Variants in SLC1A2 observed in about 807,000 individuals in gnomAD.
SLC1A2 encodes the protein excitatory amino acid transporter 2.
Under a neutral mutation model 48.8 loss-of-function variants are expected in SLC1A2, and 15 were observed. That is an observed-to-expected ratio of 0.31 (90% CI 0.21 to 0.47). The LOEUF (loss-of-function observed/expected upper bound fraction) is 0.47. SLC1A2 is among the 20% of genes least tolerant of loss of function. The pLI is 0.99. For missense variants in SLC1A2, 502 were observed against 730.5 expected, an observed-to-expected ratio of 0.69 and a Z score of 3.61; for synonymous variants, 279 against 272.6, an observed-to-expected ratio of 1.02 and a Z score of -0.23.
At chr11:35,297,935 C>T (rs1421597502) in intron 6 of SLC1A2, 1 of 152,202 alleles carries the variant, frequency 6.6e-6, no homozygotes, top group African/African-American at 2.4e-5. Flanking sequence ...ATTTTACACA[C>T]CAGAATATCG....
At chr11:35,270,848 G>A (rs538846330) in intron 9 of SLC1A2, among the ~76,000 whole-genome samples, 11 of 152,344 alleles carry the variant, frequency 7.2e-5, no homozygotes, top group South Asian at 4.1e-4. Context: ...AGTGAGAGAC[G>A]CAGAAAGTAA....
At chr11:35,349,723 C>G (rs116369705) in intron 1 of SLC1A2, among the ~76,000 whole-genome samples, 1 of 152,178 alleles carries the variant, frequency 6.6e-6, no homozygotes, top group African/African-American at 2.4e-5. Flanking sequence ...GGAATCCTAA[C>G]CCAGATTCTT....
chr11:35,346,218 CT>C lies in SLC1A2; in HGVS notation c.18-28703del, dbSNP rs753634800. Among the ~76,000 whole-genome samples, 23 of 152,332 alleles carry C rather than the reference CT, an allele frequency of 1.5e-4. 1 individual carries two copies. Among genetic ancestry groups the C allele is most frequent in the Middle Eastern group, 3.4e-3 (1 of 294 alleles). On this transcript the variant is annotated intron_variant, in intron 1 of 10. Coordinates refer to ENST00000278379, the MANE Select transcript of SLC1A2 (RefSeq NM_004171.4). ...GCTATCCCTCCCCTAGACCCATGTT[CT>C]TAATGCATCTTAGCCATGGCTGCTT...
rs1591429728 is a variant in SLC1A2 at position 35,286,652 on chromosome 11, T to C, written c.1286+105A>G. On this transcript the variant is annotated intron_variant, in intron 8 of 10. Transcript: ENST00000278379. ...TTCTCTTTTTTTATTACCTTCATTG[T>C]CTTCCACCAGCAGAAATGAAATTCA... 4 of 777,964 alleles carry C rather than the reference T, an allele frequency of 5.1e-6. No homozygotes were observed. The East Asian group carries it at 1.1e-4, about 21-fold the overall frequency. The allele number at this position is 777,964 out of a possible 1,614,324, so 48.2% of individuals were successfully genotyped here.
intron 1 of SLC1A2, chr11:35,390,623 A>T (rs947189282): frequency 6.6e-6 from 1 of 152,118 alleles, no homozygotes; most frequent in Non-Finnish European, 1.5e-5. Flanking sequence ...ATGTTGAAGC[A>T]ATCATAACTT....
At chr11:35,338,358 C>T (rs1011254723) in intron 1 of SLC1A2, among the ~76,000 whole-genome samples, 1 of 152,094 alleles carries the variant, frequency 6.6e-6, no homozygotes, top group Non-Finnish European at 1.5e-5. Context: ...TTGGTTCTAT[C>T]CTCTCGACTT....
chr11:35,265,580 A>T lies in SLC1A2; in HGVS notation c.1600T>A (p.Ser534Thr). 1 of 1,612,158 alleles carries T rather than the reference A, an allele frequency of 6.2e-7. No individual in the cohort carries two copies. The highest frequency in any genetic ancestry group is 8.5e-7 in the Non-Finnish European group (1 of 1,178,214). ...TGTGCAGCATAGACACATTGATTAG[A>T]GTTGCTTTCCCTGTGGTTCTTCATG... is the stretch of plus-strand genomic sequence containing the variant. Reference protein sequence around the residue: ...DDMKNHRESNSNQCVYAAHNS... With the variant: ...DDMKNHRESNTNQCVYAAHNS... Residue 534 changes from serine (S) to threonine (T), a missense_variant, in exon 10 of 11, where the codon TCT (serine) becomes ACT (threonine). Around this residue, in one of 4 missense-constraint regions of SLC1A2, gnomAD observed 102 missense variants for 107.2 expected, o/e 0.95. Transcript: ENST00000278379.
chr11:35,321,333 TGG>T (rs1852060872), intron 1 of SLC1A2, among the ~76,000 whole-genome samples: 1 of 152,020 alleles, frequency 6.6e-6, no homozygotes, highest in Non-Finnish European at 1.5e-5. Flanking sequence ...TAGCAGTGTG[TGG>T]GGAGGCAGCA....
At chr11:35,407,895 C>T (rs1009215486) in intron 1 of SLC1A2, among the ~76,000 whole-genome samples, 2 of 152,192 alleles carry the variant, frequency 1.3e-5, no homozygotes, top group African/African-American at 4.8e-5. Context: ...ATGCTGTGTG[C>T]GGGTGAGCTC....
intron 9 of SLC1A2, among the ~76,000 whole-genome samples, chr11:35,268,803 G>A (rs1362163604): frequency 2.0e-5 from 3 of 152,126 alleles, no homozygotes; most frequent in African/African-American, 7.2e-5. Context: ...AGAGATTAGT[G>A]GCTTCCCAAA....
At chr11:35,406,353 TA>T (rs1010862244) in intron 1 of SLC1A2, among the ~76,000 whole-genome samples, 2 of 152,010 alleles carry the variant, frequency 1.3e-5, no homozygotes, top group African/African-American at 4.8e-5. Flanking sequence ...ATAAAATATG[TA>T]AAAGTTGTAA....
chr11:35,346,625 C>T (rs569337982), intron 1 of SLC1A2, among the ~76,000 whole-genome samples: 24 of 152,346 alleles, frequency 1.6e-4, no homozygotes, highest in African/African-American at 5.3e-4. Flanking sequence ...ACGTCATATA[C>T]GCCAGGGACT....
At chr11:35,395,262 T>G (rs1394175715) in intron 1 of SLC1A2, among the ~76,000 whole-genome samples, 1 of 151,028 alleles carries the variant, frequency 6.6e-6, no homozygotes, top group African/African-American at 2.4e-5. Flanking sequence ...AGTTTAGGAG[T>G]GTTTTTTTTT....
intron 1 of SLC1A2, among the ~76,000 whole-genome samples, chr11:35,403,733 T>C (rs1386324077): frequency 1.3e-5 from 2 of 151,974 alleles, no homozygotes; most frequent in Non-Finnish European, 2.9e-5. Context: ...GGTAAAGAAC[T>C]CATCCAGTGA....
chr11:35,348,634 G>A (rs1853125289), intron 1 of SLC1A2, among the ~76,000 whole-genome samples: 3 of 151,968 alleles, frequency 2.0e-5, no homozygotes, highest in African/African-American at 7.3e-5. Context: ...GGCTCATCCT[G>A]TAATCCCAGC....
At chr11:35,392,893 C>G (rs1233230830) in intron 1 of SLC1A2, among the ~76,000 whole-genome samples, 1 of 152,160 alleles carries the variant, frequency 6.6e-6, no homozygotes, top group African/African-American at 2.4e-5. Flanking sequence ...ATTAAGCACA[C>G]CAGGGCTTAA....
chr11:35,414,044 G>A (rs775982898), intron 1 of SLC1A2, among the ~76,000 whole-genome samples: 1 of 152,100 alleles, frequency 6.6e-6, no homozygotes, highest in African/African-American at 2.4e-5. Flanking sequence ...CCATCAAATC[G>A]AGTTCATTCC....
At position 35,260,470 on chromosome 11, in the gene SLC1A2, A is replaced by G. The variant is rs1460694273; in HGVS notation, c.*424T>C. 1 of 163,880 alleles carries G rather than the reference A, an allele frequency of 6.1e-6. No homozygotes were observed. Among genetic ancestry groups the G allele is most frequent in the Non-Finnish European group, 1.3e-5 (1 of 74,400 alleles). 10.2% of individuals were successfully genotyped at this position (163,880 alleles called of 1,614,324 possible). A position where few individuals can be genotyped will look rare whatever the true frequency, so the allele number is the denominator to read the frequency against. ...AGAATCTCTTGTGCATAACAAGGCG[A>G]GACATGGAGAACACTTTAAGGAATA... is the stretch of plus-strand genomic sequence containing the variant. On this transcript the variant is annotated 3_prime_UTR_variant, in exon 11 of 11. Transcript: ENST00000278379.
intron 1 of SLC1A2, among the ~76,000 whole-genome samples, chr11:35,340,031 A>T (rs1444629979): frequency 6.6e-6 from 1 of 152,150 alleles, no homozygotes; most frequent in Non-Finnish European, 1.5e-5. Flanking sequence ...CCAAAACCCC[A>T]TTTCCTCAGG....
Sources: gnomAD v4.1 joint callset for allele counts (sites outside exome capture counted in the v4.1 genomes callset) on GRCh38, gnomAD v4.1.1 for gene constraint, gnomAD v4.1.1 regional missense constraint, MANE v1.5 for transcripts, NCBI Gene and HGNC (gene_info 2026-07-23, HGNC 2026-07-21) for gene names.